The following C1orf21 variants were observed in gnomAD, a reference collection of about 807,000 sequenced individuals.
C1orf21 encodes the protein uncharacterized protein C1orf21.
C1orf21 carries 3 observed loss-of-function variants against 18.7 expected under a neutral mutation model. That is an observed-to-expected ratio of 0.16 (90% confidence interval 0.07 to 0.42). C1orf21 has a LOEUF of 0.42. Ranked by LOEUF, C1orf21 falls within the 10% of genes least tolerant of loss-of-function variation. C1orf21 has a pLI of 0.99. For missense variants in C1orf21, 104 were observed against 143.6 expected, an observed-to-expected ratio of 0.72 and a Z score of 1.41; for synonymous variants, 41 against 46.4, an observed-to-expected ratio of 0.88 and a Z score of 0.47.
At chr1:184,480,827 T>C (rs925825227) in intron 2 of C1orf21, among the ~76,000 whole-genome samples, 2 of 152,172 alleles carry the variant, frequency 1.3e-5, no homozygotes, top group African/African-American at 2.4e-5. Context: ...GTTGGGGGTC[T>C]GCGTGACTCG....
intron 2 of C1orf21, among the ~76,000 whole-genome samples, chr1:184,499,963 C>G (rs1232265958): frequency 6.6e-6 from 1 of 152,150 alleles, no homozygotes; most frequent in Non-Finnish European, 1.5e-5. Context: ...AGAGTCCCAG[C>G]AGTTCTTCAG....
chr1:184,413,571 G>C (rs1557965864), intron 1 of C1orf21, among the ~76,000 whole-genome samples: 1 of 152,192 alleles, frequency 6.6e-6, no homozygotes, highest in Non-Finnish European at 1.5e-5. Flanking sequence ...GCTCTGGTCA[G>C]ACCTGACTGC....
At chr1:184,614,580 T>C (rs1158538465) in intron 5 of C1orf21, among the ~76,000 whole-genome samples, 1 of 64,098 alleles carries the variant, frequency 1.6e-5, no homozygotes, top group African/African-American at 6.0e-5. Context: ...GGGAGTTGGG[T>C]GGGGCGGGGT....
intron 3 of C1orf21, among the ~76,000 whole-genome samples, chr1:184,580,980 G>A (rs1008788057): frequency 1.3e-5 from 2 of 152,122 alleles, no homozygotes; most frequent in Non-Finnish European, 2.9e-5. Context: ...GGCCAAGTAA[G>A]TAGGAACATC....
chr1:184,613,784 G>A (rs1659775986), intron 5 of C1orf21, among the ~76,000 whole-genome samples: 1 of 152,102 alleles, frequency 6.6e-6, no homozygotes, highest in Non-Finnish European at 1.5e-5. Context: ...CCCTCAGTAA[G>A]GGAGGCAAAC....
At chr1:184,495,441 T>C (rs1054550580) in intron 2 of C1orf21, among the ~76,000 whole-genome samples, 30 of 152,300 alleles carry the variant, frequency 2.0e-4, no homozygotes, top group South Asian at 4.2e-4. Context: ...CATAGATCTC[T>C]GTGGAGGTCA....
chr1:184,564,495 A>G (rs1337991083), intron 3 of C1orf21, among the ~76,000 whole-genome samples: 1 of 151,920 alleles, frequency 6.6e-6, no homozygotes, highest in East Asian at 1.9e-4. Flanking sequence ...TTTAGTAGAG[A>G]CCAGGTTTCA....
chr1:184,475,115 T>C (rs1211407529), intron 1 of C1orf21, among the ~76,000 whole-genome samples: 1 of 152,168 alleles, frequency 6.6e-6, no homozygotes, highest in African/African-American at 2.4e-5. Context: ...GAACCCCTTG[T>C]CCTCTCCCTC....
intron 2 of C1orf21, among the ~76,000 whole-genome samples, chr1:184,505,262 A>G (rs1388494137): frequency 6.9e-6 from 1 of 143,952 alleles, no homozygotes; most frequent in Non-Finnish European, 1.5e-5. Context: ...CCTCTTCCCC[A>G]TCCTACAGAC....
In C1orf21 at chr1:184,627,486, A is replaced by C. The variant is rs933880547; in HGVS notation, c.*7930A>C. The C allele has an allele frequency of 6.6e-6, 1 of 152,172 alleles. No individual in the cohort carries two copies. The highest frequency in any genetic ancestry group is 1.5e-5 in the Non-Finnish European group (1 of 68,072). 9.4% of individuals were successfully genotyped at this position (152,172 alleles called of 1,614,324 possible). ...AAGGCAATTTTCCTAGCTAAGGGGC[A>C]CTGGGCCTTGCTGCACCTTGGGGCT... On this transcript the variant is annotated 3_prime_UTR_variant, in exon 6 of 6. Transcript: ENST00000235307.
chr1:184,446,717 A>C (rs996312357), intron 1 of C1orf21, among the ~76,000 whole-genome samples: 12 of 152,156 alleles, frequency 7.9e-5, no homozygotes, highest in Middle Eastern at 3.4e-3. Flanking sequence ...GAGTGAAAAA[A>C]AAAACAAAAC....
chr1:184,504,515 C>T (rs931910205), intron 2 of C1orf21, among the ~76,000 whole-genome samples: 1 of 152,188 alleles, frequency 6.6e-6, no homozygotes, highest in African/African-American at 2.4e-5. Context: ...CATTCATTCG[C>T]TCAGAGGCTG....
chr1:184,592,374 T>C (rs895876941), intron 4 of C1orf21: 2 of 152,230 alleles, frequency 1.3e-5, no homozygotes, highest in South Asian at 4.1e-4. Flanking sequence ...AACAGATGAC[T>C]ATCCCGAAAT....
intron 3 of C1orf21, among the ~76,000 whole-genome samples, chr1:184,570,828 G>A (rs1420537329): frequency 2.0e-5 from 3 of 150,610 alleles, no homozygotes; most frequent in South Asian, 2.1e-4. Flanking sequence ...GATTTTTGTC[G>A]TCATGTGAAC....
chr1:184,525,868 A>T (rs960519866), intron 3 of C1orf21, among the ~76,000 whole-genome samples: 1 of 152,100 alleles, frequency 6.6e-6, no homozygotes, highest in African/African-American at 2.4e-5. Flanking sequence ...CCAGTCACCT[A>T]ATTTCCATCT....
chr1:184,487,558 C>G (rs1274395504), intron 2 of C1orf21, among the ~76,000 whole-genome samples: 1 of 152,158 alleles, frequency 6.6e-6, no homozygotes, highest in Non-Finnish European at 1.5e-5. Flanking sequence ...GATATTAAGT[C>G]CAAACCAACA....
chr1:184,493,292 G>A (rs1250334520), intron 2 of C1orf21, among the ~76,000 whole-genome samples: 1 of 152,134 alleles, frequency 6.6e-6, no homozygotes, highest in African/African-American at 2.4e-5. Context: ...GTAATAATCT[G>A]TGCTGGAAGC....
intron 1 of C1orf21, among the ~76,000 whole-genome samples, chr1:184,392,486 G>T (rs1276630094): frequency 6.6e-6 from 1 of 152,106 alleles, no homozygotes; most frequent in Non-Finnish European, 1.5e-5. Flanking sequence ...TACGTATTGG[G>T]CACAATGTAC....
intron 1 of C1orf21, among the ~76,000 whole-genome samples, chr1:184,464,210 G>C (rs1344956411): frequency 6.6e-6 from 1 of 152,200 alleles, no homozygotes; most frequent in Non-Finnish European, 1.5e-5. Flanking sequence ...CCTGTTAGTA[G>C]CTGGTGATAT....
Sources: allele counts gnomAD v4.1 joint callset (sites outside exome capture counted in the v4.1 genomes callset), GRCh38; gene constraint gnomAD v4.1.1; transcripts MANE v1.5; gene names NCBI Gene and HGNC (gene_info 2026-07-23, HGNC 2026-07-21).